BNC2: variants seen among roughly 807,000 people sequenced by gnomAD.
BNC2 encodes basonuclin zinc finger protein 2, also known as zinc finger protein basonuclin-2.
A neutral mutation model predicts 76.3 loss-of-function variants in BNC2; 20 were observed. The ratio of observed to expected loss-of-function variants is 0.26; its 90% CI spans 0.18 to 0.38. The LOEUF is 0.38. Ranked by LOEUF, BNC2 falls within the 10% of genes least tolerant of loss-of-function variation. The probability of loss-of-function intolerance (pLI) is 1.00; values close to 1 mark genes in which losing one functional copy is unlikely to be tolerated. For missense variants in BNC2, 1,382 were observed against 1,399.8 expected (o/e 0.99, Z 0.20); for synonymous variants, 582 against 514.8 (o/e 1.13, Z -1.77).
chr9:16,504,921 T>C (rs1822594291), intron 5 of BNC2, among the ~76,000 whole-genome samples: 1 of 152,232 alleles, frequency 6.6e-6, no homozygotes, highest in Non-Finnish European at 1.5e-5. Context: ...GCTCAAATTC[T>C]AGGTAACATT....
At chr9:16,836,940 T>C (rs921757953) in intron 1 of BNC2, among the ~76,000 whole-genome samples, 3 of 152,114 alleles carry the variant, frequency 2.0e-5, no homozygotes, top group Non-Finnish European at 4.4e-5. Context: ...CTAAAAGGTA[T>C]TCAACTTACA....
At chr9:16,738,271 G>T (rs7858914) in intron 2 of BNC2, 89 bp downstream of exon 2, 1,281,282 of 1,421,798 alleles carry the variant, frequency 0.9, 578,181 homozygotes, top group Non-Finnish European at 0.91. Flanking sequence ...GTGGCAGAAA[G>T]AAGAGGTGAG....
At chr9:16,433,886 TA>T (rs1181657831) in intron 6 of BNC2, among the ~76,000 whole-genome samples, 1 of 152,284 alleles carries the variant, frequency 6.6e-6, no homozygotes, top group Non-Finnish European at 1.5e-5. Flanking sequence ...TATTTTTGTT[TA>T]AAAAAATACA....
chr9:16,567,744 G>A (rs1441354471), intron 4 of BNC2, among the ~76,000 whole-genome samples: 2 of 152,116 alleles, frequency 1.3e-5, no homozygotes, highest in African/African-American at 4.8e-5. Flanking sequence ...AAATTCAAGT[G>A]ACTCAGTTGG....
At chr9:16,435,520 C>T in intron 6 of BNC2, 35 bp downstream of exon 6, 1 of 1,611,640 alleles carries the variant, frequency 6.2e-7, no homozygotes, top group Non-Finnish European at 8.5e-7. Context: ...GCACCCTCCA[C>T]CCCCAGCAGG....
chr9:16,602,404 T>C (rs1253998487), intron 3 of BNC2, among the ~76,000 whole-genome samples: 1 of 152,226 alleles, frequency 6.6e-6, no homozygotes, highest in African/African-American at 2.4e-5. Context: ...TACTTTCTAA[T>C]GACATGGTAT....
intron 1 of BNC2, among the ~76,000 whole-genome samples, chr9:16,742,050 G>C (rs1266134243): frequency 6.6e-6 from 1 of 151,134 alleles, no homozygotes; most frequent in African/African-American, 2.4e-5. Flanking sequence ...CATTCTCATA[G>C]TGTATAGTTC....
chr9:16,805,070 A>G (rs1360936664), intron 1 of BNC2, among the ~76,000 whole-genome samples: 1 of 152,074 alleles, frequency 6.6e-6, no homozygotes, highest in Non-Finnish European at 1.5e-5. Context: ...TCAAAAGAAA[A>G]AAAAGTGGTG....
intron 3 of BNC2, among the ~76,000 whole-genome samples, chr9:16,653,837 T>C (rs1381198480): frequency 2.0e-5 from 3 of 152,102 alleles, no homozygotes; most frequent in Non-Finnish European, 2.9e-5. Context: ...GCGTCTGACA[T>C]GTTTCTAGGT....
intron 3 of BNC2, chr9:16,665,188 G>A (rs929487932): frequency 2.5e-6 from 1 of 405,114 alleles, no homozygotes; most frequent in Admixed American, 3.2e-5. Flanking sequence ...GAAAAACAAG[G>A]TGAAATCCTG....
At chr9:16,570,456 A>G (rs1466243412) in intron 4 of BNC2, among the ~76,000 whole-genome samples, 1 of 152,114 alleles carries the variant, frequency 6.6e-6, no homozygotes, top group Non-Finnish European at 1.5e-5. Context: ...TTTGGCACTG[A>G]CGTGTGTTTT....
chr9:16,678,268 T>C (rs1369435950), intron 3 of BNC2, among the ~76,000 whole-genome samples: 2 of 57,492 alleles, frequency 3.5e-5, no homozygotes, highest in Non-Finnish European at 5.6e-5. Context: ...TTTCTTTTTC[T>C]TTTTTTTTTT....
intron 5 of BNC2, among the ~76,000 whole-genome samples, chr9:16,523,370 C>T (rs576447539): frequency 6.6e-5 from 10 of 151,136 alleles, no homozygotes; most frequent in Middle Eastern, 6.9e-3. Context: ...ACTTGGGAGG[C>T]TAAGGCAGGA....
intron 3 of BNC2, among the ~76,000 whole-genome samples, chr9:16,662,844 C>A (rs1483424133): frequency 6.6e-6 from 1 of 152,152 alleles, no homozygotes; most frequent in Non-Finnish European, 1.5e-5. Flanking sequence ...TCTAGAAACA[C>A]CATTCTTAAA....
rs114053134 is a variant in BNC2 at position 16,819,232 on chromosome 9, G to T, written c.3+51414C>A. On this transcript the variant is annotated intron_variant, in intron 1 of 6. Transcript: ENST00000380672. ...GTATTTGACAGATTTTATTAATTCA[G>T]GTATAAGATTATGGTGTATCCATTT... Among the ~76,000 whole-genome samples the T allele has an allele frequency of 3.9e-3, 594 of 152,272 alleles. 4 individuals carry two copies. Among genetic ancestry groups the T allele is most frequent in the African/African-American group, 0.013 (533 of 41,558 alleles).
At chr9:16,631,967 A>C (rs919303199) in intron 3 of BNC2, among the ~76,000 whole-genome samples, 1 of 152,224 alleles carries the variant, frequency 6.6e-6, no homozygotes, top group Non-Finnish European at 1.5e-5. Context: ...TCGGCAAAGA[A>C]CTACCAGCTG....
intron 3 of BNC2, among the ~76,000 whole-genome samples, chr9:16,725,202 A>G (rs1194383769): frequency 3.4e-5 from 4 of 116,332 alleles, no homozygotes; most frequent in Non-Finnish European, 1.7e-5. Flanking sequence ...TATAATTTCA[A>G]TAAGTCTCTC....
chr9:16,685,381 C>G (rs1822944193), intron 3 of BNC2, among the ~76,000 whole-genome samples: 1 of 152,248 alleles, frequency 6.6e-6, no homozygotes, highest in African/African-American at 2.4e-5. Flanking sequence ...ACAGACAACG[C>G]ATCCTGAAAA....
intron 1 of BNC2, among the ~76,000 whole-genome samples, chr9:16,783,198 C>T (rs1826200712): frequency 6.6e-6 from 1 of 152,154 alleles, no homozygotes. Context: ...TACCACATTT[C>T]CTGAACTTGG....
Sources: allele counts gnomAD v4.1 joint callset (sites outside exome capture counted in the v4.1 genomes callset), GRCh38; gene constraint gnomAD v4.1.1; transcripts MANE v1.5; gene names NCBI Gene and HGNC (gene_info 2026-07-23, HGNC 2026-07-21).